RBM27: variants seen among roughly 807,000 people sequenced by gnomAD.
RBM27 encodes RNA-binding protein 27.
Under a neutral mutation model 135.3 loss-of-function variants are expected in RBM27, and 22 were observed. That is an observed-to-expected ratio of 0.16 (90% CI 0.12 to 0.23). The LOEUF (loss-of-function observed/expected upper bound fraction) is 0.23, where lower values mean the gene tolerates loss of function less well. Among genes scored for constraint, RBM27 ranks in the 10% least tolerant of loss-of-function variants. The pLI, the probability that RBM27 is intolerant of heterozygous loss-of-function variation, is 1.00. For missense variants in RBM27, 1,009 were observed against 1,281.0 expected, an observed-to-expected ratio of 0.79 and a Z score of 3.24; for synonymous variants, 481 against 442.4, an observed-to-expected ratio of 1.09 and a Z score of -1.10.
At chr5:146,256,298 A>G (rs1185491168) in intron 10 of RBM27, among the ~76,000 whole-genome samples, 2 of 146,782 alleles carry the variant, frequency 1.4e-5, no homozygotes, top group East Asian at 1.9e-4. Flanking sequence ...TATTTTATAT[A>G]TATATTATTT....
At chr5:146,249,378 C>T (rs973075659) in intron 8 of RBM27, among the ~76,000 whole-genome samples, 1 of 151,988 alleles carries the variant, frequency 6.6e-6, no homozygotes, top group Non-Finnish European at 1.5e-5. Context: ...ACTATTTGTT[C>T]CCCTCATTGA....
At chr5:146,276,573 C>T (rs1759101794) in intron 19 of RBM27, among the ~76,000 whole-genome samples, 1 of 152,158 alleles carries the variant, frequency 6.6e-6, no homozygotes, top group African/African-American at 2.4e-5. Context: ...GGATTTTCCC[C>T]CATCTTCCAA....
chr5:146,275,965 CTCT>C (rs1304852605), intron 19 of RBM27, among the ~76,000 whole-genome samples: 4 of 152,176 alleles, frequency 2.6e-5, no homozygotes, highest in East Asian at 1.9e-4. Flanking sequence ...TAATATATTT[CTCT>C]TCTTCTATCC....
chr5:146,241,975 G>A (rs1287107523), intron 8 of RBM27, among the ~76,000 whole-genome samples: 1 of 151,816 alleles, frequency 6.6e-6, no homozygotes, highest in African/African-American at 2.4e-5. Flanking sequence ...ATTTTTAGTA[G>A]GCACAGGTTC....
chr5:146,220,135 T>C (rs1756382190), intron 2 of RBM27, among the ~76,000 whole-genome samples: 1 of 152,062 alleles, frequency 6.6e-6, no homozygotes, highest in African/African-American at 2.4e-5. Context: ...TGGTTGAGAG[T>C]GGAGACTTGG....
At chr5:146,213,740 G>A (rs545226616) in intron 1 of RBM27, among the ~76,000 whole-genome samples, 5 of 152,262 alleles carry the variant, frequency 3.3e-5, no homozygotes, top group Non-Finnish European at 7.3e-5. Context: ...CTCAGCAGTT[G>A]TGTAATATAC....
At chr5:146,259,131 C>T (rs1019798646) in intron 11 of RBM27, among the ~76,000 whole-genome samples, 2 of 151,490 alleles carry the variant, frequency 1.3e-5, no homozygotes, top group African/African-American at 2.4e-5. Flanking sequence ...TACTGAGACA[C>T]TAGCAATGGA....
At chr5:146,251,112 A>T (rs1757867010) in intron 8 of RBM27, among the ~76,000 whole-genome samples, 1 of 151,986 alleles carries the variant, frequency 6.6e-6, no homozygotes, top group Non-Finnish European at 1.5e-5. Flanking sequence ...AATTTTTGTT[A>T]TCCATGTGCT....
At chr5:146,247,389 T>C (rs1035035343) in intron 8 of RBM27, among the ~76,000 whole-genome samples, 1 of 152,224 alleles carries the variant, frequency 6.6e-6, no homozygotes, top group Non-Finnish European at 1.5e-5. Flanking sequence ...TTGTGAAATA[T>C]CCAGTTAGTT....
At chr5:146,282,551 C>T (rs1759408441) in intron 19 of RBM27, among the ~76,000 whole-genome samples, 1 of 152,164 alleles carries the variant, frequency 6.6e-6, no homozygotes, top group African/African-American at 2.4e-5. Flanking sequence ...ATTCCCTAAA[C>T]AATACAGTAT....
rs185210483 is a variant in RBM27, at chr5:146,277,330, A to T, written c.2988+5656A>T. Among the ~76,000 whole-genome samples, 110 of 152,252 alleles carry T rather than the reference A, an allele frequency of 7.2e-4. 1 individual carries two copies. The highest frequency in any genetic ancestry group is 4.6e-3 in the South Asian group (22 of 4,826). ...TTTGTTTTTACATCCATAGTGTATC[A>T]TGGAGAATTGTTCATGTTTATGAAT... is the stretch of plus-strand genomic sequence containing the variant. On this transcript the variant is annotated intron_variant, in intron 19 of 20. Transcript: ENST00000265271.
chr5:146,223,279 G>T, intron 2 of RBM27, 124 bp from the exon 3 acceptor site: 1 of 684,944 alleles, frequency 1.5e-6, no homozygotes, highest in Non-Finnish European at 2.2e-6. Context: ...CATAAGGTAG[G>T]ACTCATTTTT....
intron 8 of RBM27, among the ~76,000 whole-genome samples, chr5:146,240,156 T>C (rs961038855): frequency 6.6e-6 from 1 of 152,118 alleles, no homozygotes; most frequent in Non-Finnish European, 1.5e-5. Context: ...TCTCTGGTAA[T>C]GCCAATTATA....
chr5:146,250,358 G>A (rs956239364), intron 8 of RBM27, among the ~76,000 whole-genome samples: 5 of 149,340 alleles, frequency 3.3e-5, no homozygotes, highest in African/African-American at 4.9e-5. Context: ...GGAGAATGGC[G>A]TGAACCCGGG....
rs1326433239 is a variant in RBM27, at chr5:146,214,262, AT to A, written c.60-4722del. On this transcript the variant is annotated intron_variant, in intron 1 of 20. Transcript: ENST00000265271. ...TAAAAGTCCCTTTTTGTCTAGAGAC[AT>A]GTGTATTTTGCATAGTCATGGATCC... Among the ~76,000 whole-genome samples the A allele has an allele frequency of 3.3e-5, 5 of 151,980 alleles. 1 individual carries two copies. The highest frequency in any genetic ancestry group is 3.4e-3 in the Middle Eastern group (1 of 294).
intron 14 of RBM27, among the ~76,000 whole-genome samples, chr5:146,263,900 T>G (rs755409883): frequency 3.3e-5 from 5 of 150,282 alleles, no homozygotes; most frequent in Non-Finnish European, 7.4e-5. Context: ...AGGTCAGGAG[T>G]TTGAGACCAG....
rs1755482061 is a variant in RBM27, at chr5:146,203,658, G to T, written c.-108G>T. The T allele has an allele frequency of 1.9e-6, 2 of 1,038,174 alleles. No individual in the cohort carries two copies. Among genetic ancestry groups the T allele is most frequent in the East Asian group, 5.3e-5 (2 of 37,502 alleles). 64.3% of individuals were successfully genotyped at this position (1,038,174 alleles called of 1,614,324 possible). ...TAGGTTGAAGTCTCCTAAGATGCCC[G>T]GTGGGCTGGGGCACCGGGAGCTGTG... On this transcript the variant is annotated 5_prime_UTR_variant, in exon 1 of 21. Transcript: ENST00000265271.
rs1759509095 is a variant in RBM27 at position 146,284,611 on chromosome 5, AT to A, written c.2989-10del. On this transcript the variant is annotated splice_polypyrimidine_tract_variant and intron_variant, in intron 19 of 20. Coordinates refer to ENST00000265271, the MANE Select transcript of RBM27 (RefSeq NM_018989.2). ...GTGCAAACTTGTATGTTCTTCTAAT[AT>A]ATATTTTAGACCGCAAACCAAGGGC... 1 of 1,551,102 alleles carries A rather than the reference AT, an allele frequency of 6.4e-7. No homozygotes were observed. Among genetic ancestry groups the A allele is most frequent in the South Asian group, 1.1e-5 (1 of 88,390 alleles).
intron 15 of RBM27, among the ~76,000 whole-genome samples, chr5:146,267,987 C>A (rs1050112328): frequency 3.3e-5 from 5 of 151,802 alleles, no homozygotes; most frequent in Non-Finnish European, 5.9e-5. Flanking sequence ...ACTATTATTC[C>A]CTCCAATTCT....
Sources: gnomAD v4.1 joint callset for allele counts (sites outside exome capture counted in the v4.1 genomes callset) on GRCh38, gnomAD v4.1.1 for gene constraint, MANE v1.5 for transcripts, NCBI Gene and HGNC (gene_info 2026-07-23, HGNC 2026-07-21) for gene names.